The following EDIL3 variants were observed in gnomAD, a reference collection of about 807,000 sequenced individuals.
EDIL3 encodes the protein EGF like and discoidin domains 3, also known as EGF-like repeat and discoidin I-like domain-containing protein 3.
A neutral mutation model predicts 67.4 loss-of-function variants in EDIL3; 37 were observed. The observed-to-expected ratio is 0.55, with a 90% CI of 0.42 to 0.72. EDIL3 has a LOEUF of 0.72. Ranked by LOEUF, EDIL3 falls within the 30% of genes least tolerant of loss-of-function variation. EDIL3 has a pLI of 0.00. For synonymous variants in EDIL3, 195 were observed against 196.3 expected (o/e 0.99, Z 0.05); for missense variants, 527 against 586.3 (o/e 0.90, Z 1.04).
intron 6 of EDIL3, among the ~76,000 whole-genome samples, chr5:84,081,051 G>T (rs1746959196): frequency 1.3e-5 from 2 of 152,140 alleles, no homozygotes; most frequent in African/African-American, 4.8e-5. Flanking sequence ...TCTGCACCTG[G>T]TAAAACTTCC....
intron 5 of EDIL3, among the ~76,000 whole-genome samples, chr5:84,110,147 C>A (rs1296388428): frequency 6.6e-6 from 1 of 152,040 alleles, no homozygotes; most frequent in Non-Finnish European, 1.5e-5. Flanking sequence ...ATGCACTGAA[C>A]GTTGTTATTG....
At chr5:84,254,643 T>C (rs1745094014) in intron 1 of EDIL3, among the ~76,000 whole-genome samples, 1 of 152,198 alleles carries the variant, frequency 6.6e-6, no homozygotes, top group Non-Finnish European at 1.5e-5. Flanking sequence ...GGCTTGTCCA[T>C]GTGACTTGCT....
intron 1 of EDIL3, among the ~76,000 whole-genome samples, chr5:84,364,123 A>G (rs1253484536): frequency 6.6e-6 from 1 of 152,204 alleles, no homozygotes; most frequent in African/African-American, 2.4e-5. Context: ...ATAAAGGTAT[A>G]AAAGACAAAT....
intron 3 of EDIL3, among the ~76,000 whole-genome samples, chr5:84,199,218 T>C (rs1743780940): frequency 6.6e-6 from 1 of 152,036 alleles, no homozygotes; most frequent in Non-Finnish European, 1.5e-5. Context: ...CTTTCATTTG[T>C]TTTTGCCTTT....
chr5:84,036,827 A>C (rs1746029910), intron 9 of EDIL3, among the ~76,000 whole-genome samples: 1 of 152,154 alleles, frequency 6.6e-6, no homozygotes, highest in Admixed American at 6.5e-5. Flanking sequence ...TTGTCAAGTA[A>C]AAGATCAATG....
At chr5:84,250,070 A>G (rs888042002) in intron 2 of EDIL3, among the ~76,000 whole-genome samples, 4 of 152,378 alleles carry the variant, frequency 2.6e-5, no homozygotes, top group African/African-American at 9.6e-5. Flanking sequence ...CGGCTTAGCC[A>G]CATGGTGGTC....
chr5:84,038,112 C>T (rs115901480), intron 9 of EDIL3, among the ~76,000 whole-genome samples: 1,736 of 149,422 alleles, frequency 0.012, 47 homozygotes, highest in African/African-American at 0.04. Flanking sequence ...AAGCAATTCT[C>T]GTGCTTCAGC....
intron 4 of EDIL3, among the ~76,000 whole-genome samples, chr5:84,141,777 A>C (rs1232011676): frequency 6.7e-6 from 1 of 149,346 alleles, no homozygotes; most frequent in Non-Finnish European, 1.5e-5. Context: ...TATGTCATAC[A>C]TAACCCACAT....
chr5:84,071,480 A>G (rs1438562350), intron 6 of EDIL3, among the ~76,000 whole-genome samples: 1 of 152,240 alleles, frequency 6.6e-6, no homozygotes, highest in Non-Finnish European at 1.5e-5. Context: ...GAAACATAAG[A>G]CAGGAACAAG....
chr5:84,074,919 A>G (rs1200992669), intron 6 of EDIL3, among the ~76,000 whole-genome samples: 1 of 152,214 alleles, frequency 6.6e-6, no homozygotes, highest in Admixed American at 6.5e-5. Flanking sequence ...TTGCGGCACT[A>G]TTCACAATAG....
rs150221907 is a variant in EDIL3 at position 84,233,394 on chromosome 5, T to G, written c.197-3510A>C. 2.8e-3 allele frequency among the ~76,000 whole-genome samples: 434 copies of G among 152,296 alleles called. 2 individuals carry two copies. Among genetic ancestry groups the G allele is most frequent in the African/African-American group, 0.01 (428 of 41,556 alleles). On this transcript the variant is annotated intron_variant, in intron 2 of 10. Coordinates refer to ENST00000296591, the MANE Select transcript of EDIL3 (RefSeq NM_005711.5). Reference sequence around the variant, plus strand: ...AATTCTGACTCTAACCCATCAAAGTTTATTTCACTGGGAAACAGCCATGGG... The same window carrying G: ...AATTCTGACTCTAACCCATCAAAGTGTATTTCACTGGGAAACAGCCATGGG...
intron 9 of EDIL3, among the ~76,000 whole-genome samples, chr5:84,052,836 T>G (rs1265308843): frequency 6.6e-6 from 1 of 152,172 alleles, no homozygotes; most frequent in Non-Finnish European, 1.5e-5. Context: ...CAAAGAGACT[T>G]AGACTCCCAC....
intron 1 of EDIL3, among the ~76,000 whole-genome samples, chr5:84,302,791 T>C (rs974329075): frequency 6.6e-6 from 1 of 152,192 alleles, no homozygotes; most frequent in Non-Finnish European, 1.5e-5. Flanking sequence ...ATGGAAACAA[T>C]AGTAAAAACT....
chr5:84,130,746 G>A lies in EDIL3; in HGVS notation c.469+6495C>T, dbSNP rs74561707. Reference sequence around the variant, plus strand: ...GCAAACATTCATTTGCTTGTCATTCGCTAAGATACCTGATCAAATAACAGT... The same window carrying A: ...GCAAACATTCATTTGCTTGTCATTCACTAAGATACCTGATCAAATAACAGT... On this transcript the variant is annotated intron_variant, in intron 5 of 10. Coordinates refer to ENST00000296591, the MANE Select transcript of EDIL3 (RefSeq NM_005711.5). Among the ~76,000 whole-genome samples, 1,351 of 151,992 alleles carry A rather than the reference G, an allele frequency of 8.9e-3. 82 individuals are homozygous for A. In the East Asian group the frequency reaches 0.18, roughly 20 times the overall value.
intron 9 of EDIL3, among the ~76,000 whole-genome samples, chr5:84,059,403 A>C (rs143477284): frequency 4.9e-4 from 74 of 152,274 alleles, no homozygotes; most frequent in Middle Eastern, 6.8e-3. Context: ...CCCTGTCTCA[A>C]AAAAGGAGAG....
chr5:84,042,627 A>G (rs1746152909), intron 9 of EDIL3, among the ~76,000 whole-genome samples: 1 of 152,256 alleles, frequency 6.6e-6, no homozygotes, highest in South Asian at 2.1e-4. Context: ...GTAAAAGTAA[A>G]CAGGCACACC....
At chr5:84,312,905 T>A (rs576739984) in intron 1 of EDIL3, among the ~76,000 whole-genome samples, 2 of 152,260 alleles carry the variant, frequency 1.3e-5, no homozygotes, top group South Asian at 2.1e-4. Context: ...GAGTGGGAAA[T>A]CCATAATTCA....
intron 6 of EDIL3, among the ~76,000 whole-genome samples, chr5:84,101,859 C>T (rs1030617013): frequency 3.4e-5 from 5 of 149,088 alleles, no homozygotes; most frequent in Non-Finnish European, 7.4e-5. Context: ...CAGGCAGAGA[C>T]AAAACAAAAA....
intron 1 of EDIL3, among the ~76,000 whole-genome samples, chr5:84,315,456 T>C (rs1265829161): frequency 2.6e-5 from 4 of 152,218 alleles, no homozygotes; most frequent in Admixed American, 2.6e-4. Flanking sequence ...TTGTTTCTTA[T>C]ATTATAGCAT....
Sources: gnomAD v4.1 joint callset for allele counts (sites outside exome capture counted in the v4.1 genomes callset) on GRCh38, gnomAD v4.1.1 for gene constraint, MANE v1.5 for transcripts, NCBI Gene and HGNC (gene_info 2026-07-23, HGNC 2026-07-21) for gene names.